Variants in EGLN1 observed in about 807,000 individuals in gnomAD.
EGLN1 encodes the protein egl-9 family hypoxia inducible factor 1.
In EGLN1, 17 loss-of-function variants were observed where a neutral mutation model predicts 38.3. The ratio of observed to expected loss-of-function variants is 0.44; its 90% CI spans 0.30 to 0.67. The LOEUF (loss-of-function observed/expected upper bound fraction) is 0.67, where lower values mean the gene tolerates loss of function less well. Among genes scored for constraint, EGLN1 ranks in the 30% least tolerant of loss-of-function variants. The pLI, the probability that EGLN1 is intolerant of heterozygous loss-of-function variation, is 0.08. For missense variants in EGLN1, 477 were observed against 603.3 expected (o/e 0.79, Z 2.19); for synonymous variants, 283 against 257.5 (o/e 1.10, Z -0.95).
At chr1:231,379,455 C>T (rs2739513) in intron 1 of EGLN1, among the ~76,000 whole-genome samples, 82,962 of 152,018 alleles carry the variant, frequency 0.55, 24,252 homozygotes, top group Non-Finnish European at 0.65. Flanking sequence ...TAATGGTAAA[C>T]CTTGAAATAA....
At chr1:231,420,705 T>A (rs1656556737) in intron 1 of EGLN1, among the ~76,000 whole-genome samples, 1 of 151,900 alleles carries the variant, frequency 6.6e-6, no homozygotes, top group Non-Finnish European at 1.5e-5. Context: ...AATAGTGGAA[T>A]GGAAAAAAGA....
At chr1:231,389,097 C>G (rs920208388) in intron 1 of EGLN1, among the ~76,000 whole-genome samples, 1 of 152,188 alleles carries the variant, frequency 6.6e-6, no homozygotes, top group African/African-American at 2.4e-5. Flanking sequence ...AAAGAAGATT[C>G]AATGTGATCT....
intron 1 of EGLN1, among the ~76,000 whole-genome samples, chr1:231,401,806 C>A (rs1166073463): frequency 1.3e-5 from 2 of 152,084 alleles, no homozygotes; most frequent in African/African-American, 4.8e-5. Context: ...CGTGTTTTCA[C>A]TTCTCTTGAT....
At chr1:231,408,400 C>T (rs1688847215) in intron 1 of EGLN1, among the ~76,000 whole-genome samples, 1 of 152,062 alleles carries the variant, frequency 6.6e-6, no homozygotes, top group Non-Finnish European at 1.5e-5. Context: ...ATGGTGTGGG[C>T]CTAAGCAGCT....
chr1:231,412,738 A>G (rs1166960214), intron 1 of EGLN1, among the ~76,000 whole-genome samples: 1 of 152,238 alleles, frequency 6.6e-6, no homozygotes, highest in Non-Finnish European at 1.5e-5. Flanking sequence ...TATAGAACAT[A>G]TAACTTTTTT....
chr1:231,408,953 G>A (rs1210319074), intron 1 of EGLN1, among the ~76,000 whole-genome samples: 1 of 151,956 alleles, frequency 6.6e-6, no homozygotes, highest in Non-Finnish European at 1.5e-5. Context: ...AAAGTATATG[G>A]TAGTGAAATG....
At chr1:231,371,042 A>G (rs1687808650) in intron 2 of EGLN1, among the ~76,000 whole-genome samples, 1 of 152,140 alleles carries the variant, frequency 6.6e-6, no homozygotes, top group African/African-American at 2.4e-5. Context: ...GGCATGCGCC[A>G]CCATGTCCAG....
In EGLN1 at chr1:231,364,521, C is replaced by G. The variant is rs139634340; in HGVS notation, c.*1890G>C. On this transcript the variant is annotated 3_prime_UTR_variant, in exon 5 of 5. Transcript: ENST00000366641. ...GGGCGAGGAAAAAACAATAAACTAT[C>G]ACTTTCTCCTGCAAATTCTCCTAAG... The G allele has an allele frequency of 1.3e-5, 2 of 152,290 alleles. No individual in the cohort carries two copies. The highest frequency in any genetic ancestry group is 6.5e-5 in the Admixed American group (1 of 15,292). 9.4% of individuals were successfully genotyped at this position (152,290 alleles called of 1,614,324 possible).
At chr1:231,398,343 T>A (rs1268312020) in intron 1 of EGLN1, among the ~76,000 whole-genome samples, 1 of 151,864 alleles carries the variant, frequency 6.6e-6, no homozygotes, top group Non-Finnish European at 1.5e-5. Flanking sequence ...TTCTTTTTTT[T>A]AAAGAGATGG....
chr1:231,421,713 T>C lies in EGLN1; in HGVS notation c.176A>G (p.Gln59Arg). Residue 59 changes from glutamine to arginine, a missense_variant, in exon 1 of 5, where the codon CAG (glutamine) becomes CGG (arginine). Physicochemically the swap from Gln to Arg is conservative, Grantham distance 43 (BLOSUM62 1). Around this residue, in one of 4 missense-constraint regions of EGLN1, gnomAD observed 298 missense variants for 288.9 expected, o/e 1.03. Coordinates refer to ENST00000366641, the MANE Select transcript of EGLN1 (RefSeq NM_022051.3). This position sits in a 1 kb window ranked among gnomAD's most constrained non-coding sequence, Gnocchi z 5.5. Reference protein sequence around the residue: ...QDWKKHKLVCQGSEGALGHGV... With the variant: ...QDWKKHKLVCRGSEGALGHGV... ...GTGGCCGAGGGCGCCCTCGCTGCCC[T>C]GGCACACGAGCTTGTGCTTCTTCCA... The C allele has an allele frequency of 2.0e-6, 3 of 1,524,716 alleles. No individual in the cohort carries two copies. The highest frequency in any genetic ancestry group is 2.6e-5 in the East Asian group (1 of 39,010). The allele number at this position is 1,524,716 out of a possible 1,614,324, so 94.4% of individuals were successfully genotyped here. A position where few individuals can be genotyped will look rare whatever the true frequency, so the allele number is the denominator to read the frequency against.
At chr1:231,401,022 G>T (rs1572040844) in intron 1 of EGLN1, among the ~76,000 whole-genome samples, 2 of 152,288 alleles carry the variant, frequency 1.3e-5, no homozygotes, top group Non-Finnish European at 1.5e-5. Context: ...CTGCACTCCA[G>T]CCTGGGCAAC....
chr1:231,380,372 C>G (rs1428279385), intron 1 of EGLN1, among the ~76,000 whole-genome samples: 1 of 148,774 alleles, frequency 6.7e-6, no homozygotes. Flanking sequence ...CTTTCTTGAT[C>G]ACAGTAAACA....
chr1:231,397,755 C>A (rs1429241481), intron 1 of EGLN1, among the ~76,000 whole-genome samples: 1 of 152,190 alleles, frequency 6.6e-6, no homozygotes, highest in Non-Finnish European at 1.5e-5. Context: ...GCAAGAAGAT[C>A]TCCAAGGGCA....
intron 1 of EGLN1, among the ~76,000 whole-genome samples, chr1:231,392,571 A>G (rs1168592870): frequency 6.6e-6 from 1 of 152,158 alleles, no homozygotes; most frequent in East Asian, 1.9e-4. Flanking sequence ...TGAGGTATGG[A>G]GCTGTCCAGC....
intron 1 of EGLN1, among the ~76,000 whole-genome samples, chr1:231,400,987 T>G (rs1436288539): frequency 6.6e-6 from 1 of 151,982 alleles, no homozygotes; most frequent in Non-Finnish European, 1.5e-5. Context: ...AGGTGGAAGT[T>G]GCAATGAGCT....
rs1688507122 is a variant in EGLN1, at chr1:231,395,718, T to C, written c.892-21619A>G. 1.1e-4 allele frequency among the ~76,000 whole-genome samples: 16 copies of C among 152,298 alleles called. No individual in the cohort carries two copies. In the South Asian group the frequency reaches 2.5e-3, roughly 24 times the overall value. On this transcript the variant is annotated intron_variant, in intron 1 of 4. Transcript: ENST00000366641. ...GTTAGCTACAGTGCTCTGGGATACA[T>C]CGATGAACAATTTGGGATACTGAGT...
rs1348542478 is a variant in EGLN1 at position 231,364,647 on chromosome 1, T to G, written c.*1764A>C. Reference sequence around the variant, plus strand: ...TTACATGAATAGCAATGGCAATCTTTTAATAAAAATTACTGAGCTTCCCAT... The same window carrying G: ...TTACATGAATAGCAATGGCAATCTTGTAATAAAAATTACTGAGCTTCCCAT... On this transcript the variant is annotated 3_prime_UTR_variant, in exon 5 of 5. Transcript: ENST00000366641. The G allele has an allele frequency of 6.6e-6, 1 of 152,246 alleles. No individual in the cohort carries two copies. Among genetic ancestry groups the G allele is most frequent in the African/African-American group, 2.4e-5 (1 of 41,468 alleles). The allele number at this position is 152,246 out of a possible 1,614,324, so 9.4% of individuals were successfully genotyped here.
chr1:231,409,993 A>G (rs2790869), intron 1 of EGLN1, among the ~76,000 whole-genome samples: 22,674 of 152,120 alleles, frequency 0.15, 2,069 homozygotes, highest in African/African-American at 0.24. Flanking sequence ...ACCCAGGGGG[A>G]AAAAAAGTGT....
intron 1 of EGLN1, among the ~76,000 whole-genome samples, chr1:231,407,519 C>T (rs1228229599): frequency 6.6e-6 from 1 of 152,120 alleles, no homozygotes; most frequent in Non-Finnish European, 1.5e-5. Flanking sequence ...TGCTTTCTAG[C>T]TACAAGCTTT....
Sources: gnomAD v4.1 joint callset for allele counts (sites outside exome capture counted in the v4.1 genomes callset) on GRCh38, gnomAD v4.1.1 for gene constraint, gnomAD v4.1.1 regional missense constraint, Gnocchi (gnomAD v3.1) non-coding constraint, MANE v1.5 for transcripts, NCBI Gene and HGNC (gene_info 2026-07-23, HGNC 2026-07-21) for gene names.